The following REC114 variants were observed in gnomAD, a reference collection of about 807,000 sequenced individuals.
REC114 encodes the protein meiotic recombination protein REC114.
REC114 carries 27 observed loss-of-function variants against 31.3 expected under a neutral mutation model. That is an observed-to-expected ratio of 0.86 (90% CI 0.64 to 1.19). The LOEUF (loss-of-function observed/expected upper bound fraction) is 1.19, where lower values mean the gene tolerates loss of function less well. REC114 is among the 50% of genes most tolerant of loss of function. The probability of loss-of-function intolerance (pLI) is 0.00; values close to 1 mark genes in which losing one functional copy is unlikely to be tolerated. For synonymous variants in REC114, 134 were observed against 127.7 expected (o/e 1.05, Z -0.33); for missense variants, 344 against 326.9 (o/e 1.05, Z -0.40).
At chr15:73,459,042 T>A (rs1379835174) in intron 1 of REC114, among the ~76,000 whole-genome samples, 1 of 152,202 alleles carries the variant, frequency 6.6e-6, no homozygotes, top group South Asian at 2.1e-4. Context: ...GAGTAATTAT[T>A]GTATGTTAAT....
At chr15:73,497,406 C>T (rs1893543432) in intron 2 of REC114, among the ~76,000 whole-genome samples, 1 of 152,162 alleles carries the variant, frequency 6.6e-6, no homozygotes, top group African/African-American at 2.4e-5. Flanking sequence ...CATAGATGCT[C>T]ACTTCATTCT....
At chr15:73,486,304 G>T (rs1893363288) in intron 2 of REC114, among the ~76,000 whole-genome samples, 1 of 152,044 alleles carries the variant, frequency 6.6e-6, no homozygotes, top group Non-Finnish European at 1.5e-5. Flanking sequence ...CACCATGTTG[G>T]TCAGGCTGGT....
intron 2 of REC114, among the ~76,000 whole-genome samples, chr15:73,522,835 C>T (rs917609160): frequency 1.3e-5 from 2 of 152,286 alleles, no homozygotes; most frequent in South Asian, 2.1e-4. Context: ...ATATTCTTAA[C>T]TATGTAAGAA....
intron 2 of REC114, among the ~76,000 whole-genome samples, chr15:73,499,716 G>A (rs1893578734): frequency 6.6e-6 from 1 of 152,118 alleles, no homozygotes; most frequent in Admixed American, 6.6e-5. Context: ...TCTTAGCATG[G>A]AATGCAAGGA....
At chr15:73,495,854 G>C (rs1204794912) in intron 2 of REC114, among the ~76,000 whole-genome samples, 4 of 151,994 alleles carry the variant, frequency 2.6e-5, no homozygotes, top group Non-Finnish European at 5.9e-5. Context: ...AAAGGGAAAT[G>C]AGCACATTTT....
At chr15:73,465,217 A>T in intron 1 of REC114, among the ~76,000 whole-genome samples, 1 of 152,176 alleles carries the variant, frequency 6.6e-6, no homozygotes, top group East Asian at 1.9e-4. Context: ...TAATTGCTTA[A>T]GGAAAGGTAA....
At chr15:73,473,349 A>C (rs1479551651) in intron 1 of REC114, among the ~76,000 whole-genome samples, 1 of 152,032 alleles carries the variant, frequency 6.6e-6, no homozygotes, top group South Asian at 2.1e-4. Flanking sequence ...AGATCACACC[A>C]TTGCACTCCA....
chr15:73,475,231 T>C (rs1473384673), intron 2 of REC114, among the ~76,000 whole-genome samples: 3 of 152,216 alleles, frequency 2.0e-5, no homozygotes, highest in Admixed American at 6.5e-5. Flanking sequence ...GAAATTTCTT[T>C]GTATCACACA....
chr15:73,546,451 C>T (rs1487786259), intron 3 of REC114, among the ~76,000 whole-genome samples: 1 of 151,808 alleles, frequency 6.6e-6, no homozygotes, highest in Non-Finnish European at 1.5e-5. Flanking sequence ...CTGGAAATAA[C>T]CTAAATGTTC....
intron 2 of REC114, among the ~76,000 whole-genome samples, chr15:73,529,824 T>A (rs897829587): frequency 3.3e-5 from 5 of 152,158 alleles, no homozygotes; most frequent in Admixed American, 1.3e-4. Flanking sequence ...GACTCCCAGC[T>A]CCTTGAGGGC....
intron 2 of REC114, among the ~76,000 whole-genome samples, chr15:73,517,595 T>C (rs1893877285): frequency 6.6e-6 from 1 of 152,212 alleles, no homozygotes; most frequent in Admixed American, 6.5e-5. Context: ...CCTCATTTAC[T>C]GAAGTTAGGG....
intron 1 of REC114, among the ~76,000 whole-genome samples, chr15:73,470,168 T>C (rs1226588827): frequency 6.6e-6 from 1 of 152,208 alleles, no homozygotes; most frequent in Non-Finnish European, 1.5e-5. Flanking sequence ...CAGTCTGTTA[T>C]CTTGCTATTT....
intron 1 of REC114, 74 bp downstream of exon 1, chr15:73,443,418 G>A (rs1892724820): frequency 6.9e-7 from 1 of 1,453,406 alleles, no homozygotes. Flanking sequence ...AATACACTGG[G>A]CCAGTGCCCC....
At chr15:73,526,590 A>G (rs1251065109) in intron 2 of REC114, among the ~76,000 whole-genome samples, 1 of 152,188 alleles carries the variant, frequency 6.6e-6, no homozygotes, top group Non-Finnish European at 1.5e-5. Flanking sequence ...ACAATAGTGT[A>G]CTTCCATTTG....
chr15:73,516,481 T>C (rs1893859289), intron 2 of REC114, among the ~76,000 whole-genome samples: 1 of 151,862 alleles, frequency 6.6e-6, no homozygotes, highest in Non-Finnish European at 1.5e-5. Context: ...TATGGAAAGA[T>C]CTCCCAAGGA....
At chr15:73,486,637 GC>G in intron 2 of REC114, among the ~76,000 whole-genome samples, 1 of 152,204 alleles carries the variant, frequency 6.6e-6, no homozygotes, top group East Asian at 1.9e-4. Flanking sequence ...TGAGGTGCCA[GC>G]AGGATTCGTG....
intron 2 of REC114, among the ~76,000 whole-genome samples, chr15:73,474,892 T>G (rs1450668757): frequency 6.6e-6 from 1 of 152,234 alleles, no homozygotes; most frequent in African/African-American, 2.4e-5. Flanking sequence ...AGCCTTCTCA[T>G]TGAACGTGAG....
At chr15:73,482,842 G>A (rs1329012453) in intron 2 of REC114, among the ~76,000 whole-genome samples, 2 of 151,624 alleles carry the variant, frequency 1.3e-5, no homozygotes, top group Non-Finnish European at 2.9e-5. Flanking sequence ...CAATTAATTT[G>A]GATATGTACT....
At chr15:73,507,081 A>T (rs1414445677) in intron 2 of REC114, among the ~76,000 whole-genome samples, 1 of 152,206 alleles carries the variant, frequency 6.6e-6, no homozygotes, top group Non-Finnish European at 1.5e-5. Context: ...TTAAAAAAAG[A>T]CAAATCAACT....
Sources: allele counts gnomAD v4.1 joint callset (sites outside exome capture counted in the v4.1 genomes callset), GRCh38; gene constraint gnomAD v4.1.1; transcripts MANE v1.5; gene names NCBI Gene and HGNC (gene_info 2026-07-23, HGNC 2026-07-21).